MBOAT2: variants seen among roughly 807,000 people sequenced by gnomAD.
The protein encoded by MBOAT2 is membrane bound glycerophospholipid O-acyltransferase 2.
MBOAT2 carries 28 observed loss-of-function variants against 63.4 expected under a neutral mutation model. The ratio of observed to expected loss-of-function variants is 0.44; its 90% CI spans 0.33 to 0.61. The LOEUF (loss-of-function observed/expected upper bound fraction) is 0.61, where lower values mean the gene tolerates loss of function less well. Ranked by LOEUF, MBOAT2 falls within the 20% of genes least tolerant of loss-of-function variation. MBOAT2 has a pLI of 0.03. For missense variants in MBOAT2, 470 were observed against 605.8 expected (o/e 0.78, Z 2.35); for synonymous variants, 211 against 215.6 (o/e 0.98, Z 0.19).
At chr2:8,861,565 T>C (rs1454936628) in intron 11 of MBOAT2, among the ~76,000 whole-genome samples, 1 of 152,228 alleles carries the variant, frequency 6.6e-6, no homozygotes, top group Non-Finnish European at 1.5e-5. Flanking sequence ...TAGCAGAGCC[T>C]AGCCACTAAG....
chr2:8,940,277 T>C (rs1193913704), intron 3 of MBOAT2, among the ~76,000 whole-genome samples: 1 of 151,970 alleles, frequency 6.6e-6, no homozygotes, highest in African/African-American at 2.4e-5. Flanking sequence ...GACAGAACTT[T>C]TCCATTTTCT....
At chr2:8,917,911 A>G (rs1157573602) in intron 3 of MBOAT2, among the ~76,000 whole-genome samples, 3 of 152,266 alleles carry the variant, frequency 2.0e-5, no homozygotes, top group African/African-American at 7.2e-5. Flanking sequence ...AAACTGTGAA[A>G]CACAACAACA....
chr2:8,887,702 G>C (rs1334611600), intron 5 of MBOAT2, among the ~76,000 whole-genome samples: 1 of 152,170 alleles, frequency 6.6e-6, no homozygotes, highest in Non-Finnish European at 1.5e-5. Flanking sequence ...ACGAGGAGCT[G>C]AAGCAGGAAA....
At chr2:8,860,321 T>TC (rs1207002810) in intron 12 of MBOAT2, among the ~76,000 whole-genome samples, 1 of 151,988 alleles carries the variant, frequency 6.6e-6, no homozygotes, top group East Asian at 2.0e-4. Context: ...CCAAAGAAGT[T>TC]CAGGACAATT....
intron 3 of MBOAT2, among the ~76,000 whole-genome samples, chr2:8,914,545 G>A (rs1467830454): frequency 6.6e-6 from 1 of 150,778 alleles, no homozygotes; most frequent in Non-Finnish European, 1.5e-5. Context: ...ATACGGAATT[G>A]AAAATAAAGA....
chr2:8,863,022 A>G (rs976013016), intron 10 of MBOAT2, among the ~76,000 whole-genome samples: 1 of 152,168 alleles, frequency 6.6e-6, no homozygotes, highest in Non-Finnish European at 1.5e-5. Context: ...TTACAAAAAG[A>G]GTAAGGTTGC....
At chr2:8,969,459 T>C (rs999777042) in intron 1 of MBOAT2, among the ~76,000 whole-genome samples, 9 of 152,142 alleles carry the variant, frequency 5.9e-5, no homozygotes, top group Non-Finnish European at 1.2e-4. Flanking sequence ...AGAAACTGCA[T>C]TAACAAATGA....
At position 8,950,426 on chromosome 2, in the gene MBOAT2, T is replaced by TTTTG. The variant is rs993399652; in HGVS notation, c.222-7166_222-7163dup. Among the ~76,000 whole-genome samples the TTTTG allele has an allele frequency of 5.3e-5, 8 of 152,152 alleles. No homozygotes were observed. In the South Asian group the frequency reaches 8.3e-4, roughly 16 times the overall value. ...CTCAAGGAAATGCTTCCAGTTTGTT[T>TTTTG]TTTGTTTGTTTGTTTGTTTGAGACA... On this transcript the variant is annotated intron_variant, in intron 2 of 12. Coordinates refer to ENST00000305997, the MANE Select transcript of MBOAT2 (RefSeq NM_138799.4).
At chr2:8,878,922 A>G (rs1572946942) in intron 6 of MBOAT2, among the ~76,000 whole-genome samples, 2 of 151,782 alleles carry the variant, frequency 1.3e-5, no homozygotes, top group East Asian at 3.9e-4. Context: ...TAAAAATACA[A>G]AAAATTAGCC....
intron 2 of MBOAT2, among the ~76,000 whole-genome samples, chr2:8,953,138 A>C (rs1668961329): frequency 6.6e-6 from 1 of 152,134 alleles, no homozygotes; most frequent in Admixed American, 6.5e-5. Context: ...AACTCCCTTA[A>C]GGATCTAAGG....
chr2:8,947,106 G>A (rs979265861), intron 2 of MBOAT2, among the ~76,000 whole-genome samples: 5 of 152,188 alleles, frequency 3.3e-5, no homozygotes, highest in Admixed American at 6.5e-5. Context: ...CACACAAATG[G>A]TAAGAAAGCA....
intron 3 of MBOAT2, among the ~76,000 whole-genome samples, chr2:8,910,919 T>A (rs1665667640): frequency 6.6e-6 from 1 of 152,158 alleles, no homozygotes; most frequent in African/African-American, 2.4e-5. Flanking sequence ...CAATTTCTTA[T>A]GAAAAAGAAC....
intron 1 of MBOAT2, among the ~76,000 whole-genome samples, chr2:8,968,779 G>C (rs184120350): frequency 2.0e-5 from 3 of 152,326 alleles, no homozygotes; most frequent in Non-Finnish European, 2.9e-5. Context: ...AAGGGTATCA[G>C]TGATTGAAGA....
At chr2:8,922,428 T>C (rs761749980) in intron 3 of MBOAT2, among the ~76,000 whole-genome samples, 1 of 152,254 alleles carries the variant, frequency 6.6e-6, no homozygotes, top group Admixed American at 6.5e-5. Flanking sequence ...ACAGTAACTC[T>C]GGATTTTAAT....
chr2:8,955,565 C>CTTTAT (rs1253124837), intron 2 of MBOAT2, among the ~76,000 whole-genome samples: 2 of 152,190 alleles, frequency 1.3e-5, no homozygotes, highest in Non-Finnish European at 2.9e-5. Flanking sequence ...TATGTACTAT[C>CTTTAT]GTGCTATTTC....
intron 1 of MBOAT2, 132 bp from the exon 2 acceptor site, chr2:8,958,774 A>C: frequency 1.1e-6 from 1 of 914,532 alleles, no homozygotes; most frequent in Non-Finnish European, 1.6e-6. Context: ...CAAAACAAAA[A>C]CAAAAATTGA....
intron 1 of MBOAT2, among the ~76,000 whole-genome samples, chr2:8,978,412 T>A (rs902248265): frequency 6.6e-6 from 1 of 152,212 alleles, no homozygotes; most frequent in South Asian, 2.1e-4. Flanking sequence ...TTTTTCATTA[T>A]ATAAAATGAT....
intron 4 of MBOAT2, among the ~76,000 whole-genome samples, chr2:8,902,389 A>C (rs1385597745): frequency 6.6e-6 from 1 of 152,230 alleles, no homozygotes; most frequent in South Asian, 2.1e-4. Context: ...GCTGACTTCA[A>C]GAATGAAGCC....
chr2:8,978,066 A>G (rs1316946747), intron 1 of MBOAT2, among the ~76,000 whole-genome samples: 1 of 152,074 alleles, frequency 6.6e-6, no homozygotes, highest in East Asian at 1.9e-4. Flanking sequence ...TGAGGCCACC[A>G]ATACCCAGAC....
Sources: allele counts gnomAD v4.1 joint callset (sites outside exome capture counted in the v4.1 genomes callset), GRCh38; gene constraint gnomAD v4.1.1; transcripts MANE v1.5; gene names NCBI Gene and HGNC (gene_info 2026-07-23, HGNC 2026-07-21).